Variants in CAMKMT observed in about 807,000 individuals in gnomAD.
The protein encoded by CAMKMT is CaM KMT.
CAMKMT carries 53 observed loss-of-function variants against 48.0 expected under a neutral mutation model. The ratio of observed to expected loss-of-function variants is 1.10; its 90% CI spans 0.89 to 1.39. The LOEUF is 1.39. CAMKMT is among the 40% of genes most tolerant of loss of function. The pLI is 0.00. For missense variants in CAMKMT, 428 were observed against 402.7 expected (o/e 1.06, Z -0.54); for synonymous variants, 165 against 152.3 (o/e 1.08, Z -0.61).
At chr2:44,442,321 C>T (rs938474303) in intron 3 of CAMKMT, among the ~76,000 whole-genome samples, 29 of 152,052 alleles carry the variant, frequency 1.9e-4, no homozygotes, top group Admixed American at 1.4e-3. Context: ...TATATATATA[C>T]ACACATATAT....
chr2:44,489,127 C>A (rs188043339), intron 3 of CAMKMT, among the ~76,000 whole-genome samples: 29 of 152,164 alleles, frequency 1.9e-4, no homozygotes, highest in African/African-American at 7.0e-4. Flanking sequence ...GCCTCAGCCT[C>A]CCAAAGTTCT....
chr2:44,567,036 A>T (rs1451604970), intron 3 of CAMKMT, among the ~76,000 whole-genome samples: 2 of 152,174 alleles, frequency 1.3e-5, no homozygotes, highest in Non-Finnish European at 2.9e-5. Flanking sequence ...TAGCTACCAT[A>T]GGAACCAGTA....
intron 3 of CAMKMT, among the ~76,000 whole-genome samples, chr2:44,472,573 T>G (rs1668478159): frequency 6.6e-6 from 1 of 152,154 alleles, no homozygotes; most frequent in South Asian, 2.1e-4. Flanking sequence ...TCTTTCATTT[T>G]TAACAAAAAT....
intron 3 of CAMKMT, among the ~76,000 whole-genome samples, chr2:44,515,041 C>A (rs1030761821): frequency 6.6e-6 from 1 of 152,190 alleles, no homozygotes; most frequent in Non-Finnish European, 1.5e-5. Flanking sequence ...GCAAATAAAG[C>A]TGACCTGATA....
At chr2:44,444,650 G>T (rs1046323706) in intron 3 of CAMKMT, among the ~76,000 whole-genome samples, 1 of 152,156 alleles carries the variant, frequency 6.6e-6, no homozygotes, top group Non-Finnish European at 1.5e-5. Context: ...ACATGTGTGT[G>T]TAAAAATCTG....
At chr2:44,723,611 A>ATACATACATAC (rs1558819034) in intron 7 of CAMKMT, 26 of 20,290 alleles carry the variant, frequency 1.3e-3, no homozygotes, top group African/African-American at 2.6e-3. Flanking sequence ...TACATACATA[A>ATACATACATAC]ATAAATAAAT....
At chr2:44,573,154 TTAGTAA>T (rs1330790440) in intron 3 of CAMKMT, among the ~76,000 whole-genome samples, 2 of 152,088 alleles carry the variant, frequency 1.3e-5, no homozygotes, top group East Asian at 1.9e-4. Flanking sequence ...GCTATTACTG[TTAGTAA>T]TAGTAATCTT....
intron 3 of CAMKMT, among the ~76,000 whole-genome samples, chr2:44,423,989 G>T (rs1162948001): frequency 6.6e-6 from 1 of 152,102 alleles, no homozygotes; most frequent in African/African-American, 2.4e-5. Flanking sequence ...ATGTGGGTGT[G>T]TATGTAGCTG....
intron 3 of CAMKMT, among the ~76,000 whole-genome samples, chr2:44,411,430 G>A (rs1218964132): frequency 6.6e-6 from 1 of 152,178 alleles, no homozygotes; most frequent in African/African-American, 2.4e-5. Context: ...TCAATTGCAT[G>A]TATTAGAAAA....
At chr2:44,693,380 C>T (rs1249980567) in intron 3 of CAMKMT, among the ~76,000 whole-genome samples, 1 of 152,172 alleles carries the variant, frequency 6.6e-6, no homozygotes, top group African/African-American at 2.4e-5. Flanking sequence ...GTATTACTCT[C>T]TTCCTTTCTC....
intron 5 of CAMKMT, 143 bp downstream of exon 5, chr2:44,706,484 G>A (rs1677568835): frequency 1.4e-6 from 1 of 721,312 alleles, no homozygotes. Context: ...CTTCTAGATT[G>A]ACTTACTTTC....
In CAMKMT at chr2:44,657,386, A is replaced by G. The variant is rs1466353971; in HGVS notation, c.377-46897A>G. On this transcript the variant is annotated intron_variant, in intron 3 of 10. Coordinates refer to ENST00000378494, the MANE Select transcript of CAMKMT (RefSeq NM_024766.5). The surrounding 1 kb of genome is among the most constrained non-coding windows in gnomAD (Gnocchi z 4.3). ...GGCTTTAAAAGTCTTAGCATTGAGG[A>G]TCCCCATGAATATTGTGAACCTGAA... Among the ~76,000 whole-genome samples the G allele has an allele frequency of 2.0e-5, 3 of 152,224 alleles. No homozygotes were observed. In the East Asian group the frequency reaches 5.8e-4, roughly 29 times the overall value.
intron 3 of CAMKMT, among the ~76,000 whole-genome samples, chr2:44,564,088 AC>A (rs1668480967): frequency 1.3e-5 from 2 of 152,048 alleles, no homozygotes; most frequent in African/African-American, 4.8e-5. Context: ...TTACAGTCCC[AC>A]CAATAGTGTA....
intron 3 of CAMKMT, among the ~76,000 whole-genome samples, chr2:44,593,874 C>T (rs1670479465): frequency 6.7e-6 from 1 of 148,798 alleles, no homozygotes; most frequent in Non-Finnish European, 1.5e-5. Context: ...AGCGATTCTC[C>T]TGCCTCAGCC....
chr2:44,514,887 C>T lies in CAMKMT; in HGVS notation c.376+124582C>T, dbSNP rs538889487. Among the ~76,000 whole-genome samples the T allele has an allele frequency of 7.2e-5, 11 of 152,266 alleles. No individual in the cohort carries two copies. The East Asian group carries it at 1.7e-3, about 24-fold the overall frequency. On this transcript the variant is annotated intron_variant, in intron 3 of 10. Transcript: ENST00000378494. ...ATATAAAAGGAATATGATGGATACT[C>T]ATAAATCATAGGATATGGCTGCTAT...
rs1683017218 is a variant in CAMKMT, at chr2:44,409,183, GT to G, written c.376+18879del. Among the ~76,000 whole-genome samples the G allele has an allele frequency of 3.1e-4, 4 of 13,000 alleles. 1 individual carries two copies. Among genetic ancestry groups the G allele is most frequent in the South Asian group, 5.4e-3 (2 of 368 alleles). 8.5% of individuals were successfully genotyped at this position (13,000 alleles called of 152,430 possible). On this transcript the variant is annotated intron_variant, in intron 3 of 10. Transcript: ENST00000378494. ...TATATATATATATATATATATATATGTATATTGCTACATAAAGACAACTAGC... is the reference window on the plus strand; with the variant it reads ...TATATATATATATATATATATATATGATATTGCTACATAAAGACAACTAGC...
chr2:44,413,542 C>T (rs187173442), intron 3 of CAMKMT, among the ~76,000 whole-genome samples: 5 of 151,498 alleles, frequency 3.3e-5, no homozygotes, highest in South Asian at 2.1e-4. Context: ...ATCCTAGCTT[C>T]TTGGGAGGCT....
intron 3 of CAMKMT, among the ~76,000 whole-genome samples, chr2:44,392,592 G>C (rs1302894082): frequency 2.0e-5 from 3 of 151,774 alleles, no homozygotes; most frequent in Non-Finnish European, 4.4e-5. Flanking sequence ...AATATAATTA[G>C]GATAAATAGC....
chr2:44,671,214 C>T lies in CAMKMT; in HGVS notation c.377-33069C>T, dbSNP rs148272897. The stretch of plus-strand genomic sequence containing the variant: ...CATGCTCCAGTACCTAGTCTCCTTC[C>T]CCAAAATCCTACCCCCTTTTTTCCT... On this transcript the variant is annotated intron_variant, in intron 3 of 10. Coordinates refer to ENST00000378494, the MANE Select transcript of CAMKMT (RefSeq NM_024766.5). 2.3e-3 allele frequency among the ~76,000 whole-genome samples: 353 copies of T among 152,200 alleles called. 2 individuals are homozygous for T. The highest frequency in any genetic ancestry group is 2.6e-3 in the Non-Finnish European group (180 of 68,014).
Sources: allele counts gnomAD v4.1 joint callset (sites outside exome capture counted in the v4.1 genomes callset), GRCh38; gene constraint gnomAD v4.1.1; non-coding constraint Gnocchi (gnomAD v3.1); transcripts MANE v1.5; gene names NCBI Gene and HGNC (gene_info 2026-07-23, HGNC 2026-07-21).